Variants in IQSEC2 observed in about 807,000 individuals in gnomAD.
IQSEC2 encodes IQ motif and Sec7 domain ArfGEF 2.
Under a neutral mutation model 74.6 loss-of-function variants are expected in IQSEC2, and 6 were observed. That is an observed-to-expected ratio of 0.08 (90% CI 0.04 to 0.16). IQSEC2 has a LOEUF of 0.16. Among genes scored for constraint, IQSEC2 ranks in the 10% least tolerant of loss-of-function variants. The pLI is 1.00. For synonymous variants in IQSEC2, 494 were observed against 544.5 expected (o/e 0.91, Z 1.29); for missense variants, 734 against 1,306.2 (o/e 0.56, Z 6.75).
chrX:53,264,807 C>T (rs1390000287), intron 2 of IQSEC2, among the ~76,000 whole-genome samples: 1 of 109,668 alleles, frequency 9.1e-6, no homozygotes, highest in Non-Finnish European at 1.9e-5. Flanking sequence ...TTACTGAAGC[C>T]GTTCCTGTCC....
At chrX:53,260,752 A>G (rs782061343) in intron 2 of IQSEC2, among the ~76,000 whole-genome samples, 1 of 111,766 alleles carries the variant, frequency 8.9e-6, no homozygotes, top group African/African-American at 3.2e-5. Context: ...GGCACTACTT[A>G]GCTCATTGAA....
In IQSEC2 at chrX:53,248,146, G is replaced by A. The variant is rs2074335676; in HGVS notation, c.2550C>T (p.Ala850=). 1 of 1,208,882 alleles carries A rather than the reference G, an allele frequency of 8.3e-7. No individual in the cohort carries two copies. Among genetic ancestry groups the A allele is most frequent in the Admixed American group, 2.2e-5 (1 of 45,687 alleles). Residue 850 remains alanine, a synonymous_variant, in exon 7 of 15, where the codon GCC becomes GCT. Transcript: ENST00000642864. ...CTTCGATGAGTCGCTCCACTTTCTGGGCCTCACCCTGAACCCGGATATGGG... is the reference window on the plus strand; with the variant it reads ...CTTCGATGAGTCGCTCCACTTTCTGAGCCTCACCCTGAACCCGGATATGGG... ...FQSHIRVQGE[A]QKVERLIEAF... is the part of the protein sequence containing the mutation.
rs147050091 is a variant in IQSEC2, at chrX:53,240,116, A to C, written c.3016-822T>G. 6.8e-3 allele frequency among the ~76,000 whole-genome samples: 758 copies of C among 111,367 alleles called. 4 individuals carry two copies. Among genetic ancestry groups the C allele is most frequent in the African/African-American group, 0.023 (716 of 30,570 alleles). ...GGGCAGATTCCACATATAACCTCTT[A>C]TTTCATTTCATCCTCATGACAATCC... is the stretch of plus-strand genomic sequence containing the variant. On this transcript the variant is annotated intron_variant, in intron 10 of 14. Coordinates refer to ENST00000642864, the MANE Select transcript of IQSEC2 (RefSeq NM_001111125.3).
At chrX:53,231,368 T>G (rs1569289726), downstream of IQSEC2, 1 of 111,661 alleles carries the variant, frequency 9.0e-6, no homozygotes, top group Non-Finnish European at 1.9e-5. Flanking sequence ...GAGGCATTTT[T>G]GGGGAATAGT....
intron 2 of IQSEC2, among the ~76,000 whole-genome samples, chrX:53,267,928 T>C (rs1299872091): frequency 8.9e-6 from 1 of 112,165 alleles, no homozygotes; most frequent in Non-Finnish European, 1.9e-5. Context: ...ACTCGTGAGC[T>C]GAATCTAATT....
At chrX:53,273,674 A>G (rs2074777344) in intron 2 of IQSEC2, among the ~76,000 whole-genome samples, 1 of 112,287 alleles carries the variant, frequency 8.9e-6, no homozygotes, top group African/African-American at 3.2e-5. Context: ...TCTTTTCCTT[A>G]CAAAAATGGG....
At chrX:53,240,753 T>C (rs2074204701) in intron 10 of IQSEC2, among the ~76,000 whole-genome samples, 1 of 111,681 alleles carries the variant, frequency 9.0e-6, no homozygotes, top group African/African-American at 3.3e-5. Flanking sequence ...TGAGCTCAGT[T>C]TGAAGAATCA....
intron 2 of IQSEC2, among the ~76,000 whole-genome samples, chrX:53,260,419 G>A (rs1467290381): frequency 8.9e-6 from 1 of 111,972 alleles, no homozygotes; most frequent in Admixed American, 9.4e-5. Context: ...AAGGGCATGA[G>A]CCTACAATAA....
intron 4 of IQSEC2, among the ~76,000 whole-genome samples, chrX:53,251,414 C>A (rs782817691): frequency 9.1e-6 from 1 of 110,466 alleles, no homozygotes; most frequent in African/African-American, 3.3e-5. Flanking sequence ...CCACAAGTTC[C>A]CCACTCAGCT....
chrX:53,304,048 T>C (rs1025843004), intron 1 of IQSEC2, among the ~76,000 whole-genome samples: 2 of 109,145 alleles, frequency 1.8e-5, no homozygotes, highest in Non-Finnish European at 3.8e-5. Context: ...AGGCAGAGAA[T>C]TGTTTGAATC....
chrX:53,309,103 CAAAAA>C (rs56674253), intron 1 of IQSEC2, among the ~76,000 whole-genome samples: 1 of 37,372 alleles, frequency 2.7e-5, no homozygotes, highest in Non-Finnish European at 5.5e-5. Flanking sequence ...GACCCTGTCT[CAAAAA>C]AAAAAAAAAA....
chrX:53,258,271 G>A (rs977745578), intron 2 of IQSEC2, among the ~76,000 whole-genome samples: 1 of 112,062 alleles, frequency 8.9e-6, no homozygotes, highest in Non-Finnish European at 1.9e-5. Context: ...CACAGCACAT[G>A]TCTGTCCTGC....
chrX:53,280,956 C>T (rs1443397049), intron 2 of IQSEC2, among the ~76,000 whole-genome samples: 7 of 112,643 alleles, frequency 6.2e-5, no homozygotes, highest in Admixed American at 1.9e-4. Flanking sequence ...AGCCAGGAGA[C>T]ATGGCTGCGG....
chrX:53,315,897 G>A (rs782100450), intron 1 of IQSEC2, among the ~76,000 whole-genome samples: 9 of 111,345 alleles, frequency 8.1e-5, no homozygotes, highest in African/African-American at 2.6e-4. Context: ...CTGGTCTGAC[G>A]TCTTCCTCCC....
intron 1 of IQSEC2, among the ~76,000 whole-genome samples, chrX:53,318,755 C>G: frequency 8.9e-6 from 1 of 112,753 alleles, no homozygotes. Flanking sequence ...ATAATGAGTC[C>G]GCTCCCTCTG....
At chrX:53,245,677 C>T (rs1045471693) in intron 8 of IQSEC2, among the ~76,000 whole-genome samples, 1 of 109,910 alleles carries the variant, frequency 9.1e-6, no homozygotes, top group Non-Finnish European at 1.9e-5. Flanking sequence ...ATCTTAACAT[C>T]TGTACCATTT....
Position 53,281,566 on chromosome X carries a change from G to A in IQSEC2, c.737+10329C>T, listed in dbSNP as rs1569322802. On this transcript the variant is annotated intron_variant, in intron 2 of 14. Coordinates refer to ENST00000642864, the MANE Select transcript of IQSEC2 (RefSeq NM_001111125.3). Reference sequence around the variant, plus strand: ...GGGCAGGCCCCCTGGCCTAGCCGGTGTCTCCACCGTGTCACCACCCCCTCC... The same window carrying A: ...GGGCAGGCCCCCTGGCCTAGCCGGTATCTCCACCGTGTCACCACCCCCTCC... The A allele has an allele frequency of 6.1e-6, 7 of 1,140,232 alleles. No individual in the cohort carries two copies. In the Admixed American group the frequency reaches 1.1e-4, roughly 18 times the overall value. The allele number at this position is 1,140,232 out of a possible 1,213,427, so 94.0% of individuals were successfully genotyped here.
At chrX:53,280,292 G>A (rs1005420315) in intron 2 of IQSEC2, among the ~76,000 whole-genome samples, 2 of 110,637 alleles carry the variant, frequency 1.8e-5, no homozygotes, top group Non-Finnish European at 3.8e-5. Flanking sequence ...GAGAAGCTCT[G>A]GGCCCAAAGA....
In IQSEC2 at chrX:53,254,845, G is replaced by C; in HGVS notation, c.1086C>G (p.Arg362=). ...RTIQTAFRQY[R]MNKNFERLRS... is the part of the protein sequence containing the mutation. ...GTAGCCGCTCAAAGTTCTTGTTCAT[G>C]CGGTACTGGCGGAAGGCTGTCTGGA... The change falls in exon 4 of 15, where the codon CGC becomes CGG. Residue 362 remains arginine, a synonymous_variant. Transcript: ENST00000642864. 8.3e-7 allele frequency: 1 copy of C among 1,208,883 alleles called. No homozygotes were observed. Among genetic ancestry groups the C allele is most frequent in the South Asian group, 1.8e-5 (1 of 56,222 alleles).
Sources: gnomAD v4.1 joint callset for allele counts (sites outside exome capture counted in the v4.1 genomes callset) on GRCh38, gnomAD v4.1.1 for gene constraint, MANE v1.5 for transcripts, NCBI Gene and HGNC (gene_info 2026-07-23, HGNC 2026-07-21) for gene names.